The following ZPBP variants were observed in gnomAD, a reference collection of about 807,000 sequenced individuals.
ZPBP encodes the protein zona pellucida-binding protein 1.
A neutral mutation model predicts 44.8 loss-of-function variants in ZPBP; 26 were observed. That is an observed-to-expected ratio of 0.58 (90% CI 0.43 to 0.81). The LOEUF (loss-of-function observed/expected upper bound fraction) is 0.81, where lower values mean the gene tolerates loss of function less well. Ranked by LOEUF, ZPBP falls within the 30% of genes least tolerant of loss-of-function variation. ZPBP has a pLI of 0.00. For missense variants in ZPBP, 409 were observed against 434.0 expected (o/e 0.94, Z 0.51); for synonymous variants, 174 against 153.2 (o/e 1.14, Z -1.00).
Position 49,937,617 on chromosome 7 carries a change from A to AGGTTATAT in ZPBP, c.966_967insATATAACC (p.Cys323IlefsTer2). 6.2e-7 allele frequency: 1 copy of AGGTTATAT among 1,613,108 alleles called. No individual in the cohort carries two copies. The highest frequency in any genetic ancestry group is 1.3e-5 in the African/African-American group (1 of 75,026). ...CGGGGGTTATATGATCCAGGGCTGC[A>AGGTTATAT]GATCACTGTGAAAAAAGAGTAAGTT... On this transcript the variant is annotated stop_gained and frameshift_variant, in exon 8 of 8. Coordinates refer to ENST00000046087, the MANE Select transcript of ZPBP (RefSeq NM_007009.3). LOFTEE classifies it high-confidence loss of function.
At chr7:49,982,600 A>T (rs1457773010) in intron 7 of ZPBP, among the ~76,000 whole-genome samples, 5 of 151,576 alleles carry the variant, frequency 3.3e-5, no homozygotes, top group African/African-American at 4.8e-5. Context: ...CAAACTTCTC[A>T]GCCATCAGAA....
intron 6 of ZPBP, among the ~76,000 whole-genome samples, chr7:50,004,652 G>A (rs529965398): frequency 6.6e-6 from 1 of 152,176 alleles, no homozygotes; most frequent in Admixed American, 6.5e-5. Context: ...AATAACTGAA[G>A]TGAAAAATTA....
intron 6 of ZPBP, 82 bp from the exon 7 acceptor site, chr7:49,983,601 A>G (rs1230405710): frequency 1.1e-6 from 1 of 881,116 alleles, no homozygotes; most frequent in Non-Finnish European, 1.7e-6. Flanking sequence ...GTGGATTTAG[A>G]ATTTAAAGAA....
intron 3 of ZPBP, among the ~76,000 whole-genome samples, chr7:50,070,649 G>A (rs1440977461): frequency 2.0e-5 from 3 of 152,144 alleles, no homozygotes; most frequent in African/African-American, 7.2e-5. Flanking sequence ...TTATTATTTA[G>A]GTGCACCAGC....
chr7:49,844,280 T>G, the ZPBP span, among the ~76,000 whole-genome samples: 1 of 152,186 alleles, frequency 6.6e-6, no homozygotes, highest in Non-Finnish European at 1.5e-5. Context: ...TTCTATCCTC[T>G]CAACCTTTAA....
intron 1 of ZPBP, among the ~76,000 whole-genome samples, chr7:50,091,541 G>A (rs898982437): frequency 1.3e-5 from 2 of 151,970 alleles, no homozygotes; most frequent in African/African-American, 4.8e-5. Context: ...AATTCTAGAA[G>A]ATAATATCAG....
chr7:50,032,212 CT>C (rs1477195156), intron 4 of ZPBP, among the ~76,000 whole-genome samples: 1 of 152,086 alleles, frequency 6.6e-6, no homozygotes, highest in Non-Finnish European at 1.5e-5. Flanking sequence ...TTCTAACATG[CT>C]TTTTGTACTG....
At chr7:49,880,290 A>G (rs570863126) in intron 2 of ZPBP, among the ~76,000 whole-genome samples, 22 of 152,204 alleles carry the variant, frequency 1.4e-4, no homozygotes, top group African/African-American at 5.1e-4. Context: ...GCATTTCTTA[A>G]TATATCATTT....
Position 49,898,325 on chromosome 7 carries a change from A to T in ZPBP, n.509+2793T>A, listed in dbSNP as rs536098938. Among the ~76,000 whole-genome samples the T allele has an allele frequency of 2.0e-3, 293 of 148,968 alleles. 3 individuals are homozygous for T. The highest frequency in any genetic ancestry group is 6.5e-3 in the African/African-American group (265 of 40,976). On this transcript the variant is annotated intron_variant and non_coding_transcript_variant, in intron 2 of 2. Transcript: ENST00000465922. ...AGAAAACATCGAAGTTTTTTTTTTT[A>T]AAAAAACCTTCACTTATTCTTTCTA...
chr7:50,039,572 C>G (rs930577701), intron 4 of ZPBP, among the ~76,000 whole-genome samples: 2 of 152,076 alleles, frequency 1.3e-5, no homozygotes, highest in Non-Finnish European at 2.9e-5. Context: ...GCCTATAACA[C>G]ATAAATATAT....
downstream of ZPBP, among the ~76,000 whole-genome samples, chr7:49,933,293 C>T (rs1374205642): frequency 3.1e-4 from 18 of 58,618 alleles, no homozygotes; most frequent in Admixed American, 2.1e-3. Context: ...TGATATTTTC[C>T]CCTGACTTCT....
rs114604042 is a variant in ZPBP, at chr7:49,947,738, C to T, written c.962-10116G>A. Among the ~76,000 whole-genome samples the T allele has an allele frequency of 7.6e-3, 1,151 of 152,288 alleles. 23 individuals carry two copies. The highest frequency in any genetic ancestry group is 0.026 in the African/African-American group (1,091 of 41,562). On this transcript the variant is annotated intron_variant, in intron 7 of 7. Transcript: ENST00000046087. ...CTACCGCTTATGTTCACTGAAGACCCAAGGGCTCTACAATAAGCAGGTAGT... is the reference window on the plus strand; with the variant it reads ...CTACCGCTTATGTTCACTGAAGACCTAAGGGCTCTACAATAAGCAGGTAGT...
chr7:49,961,747 T>G (rs1035006720), intron 7 of ZPBP, among the ~76,000 whole-genome samples: 3 of 152,104 alleles, frequency 2.0e-5, no homozygotes, highest in Non-Finnish European at 4.4e-5. Context: ...GGATAAAAAA[T>G]CTATGATAAT....
chr7:50,077,461 C>T (rs948424817), intron 3 of ZPBP, among the ~76,000 whole-genome samples: 1 of 151,574 alleles, frequency 6.6e-6, no homozygotes, highest in Non-Finnish European at 1.5e-5. Context: ...AAGAGACAAT[C>T]CACAAAATGG....
Position 50,025,373 on chromosome 7 carries a change from A to G in ZPBP, c.706+5719T>C, listed in dbSNP as rs116581893. ...AAATACAGAGGACCAACATTACCCA[A>G]CTTCAGGACTTACTATAAAACTACA... is the stretch of plus-strand genomic sequence containing the variant. On this transcript the variant is annotated intron_variant, in intron 5 of 7. Transcript: ENST00000046087. Among the ~76,000 whole-genome samples the G allele has an allele frequency of 5.7e-3, 870 of 151,968 alleles. 14 individuals are homozygous for G. Among genetic ancestry groups the G allele is most frequent in the African/African-American group, 0.02 (830 of 41,524 alleles).
At chr7:49,873,560 T>C (rs1430888961) in intron 2 of ZPBP, among the ~76,000 whole-genome samples, 1 of 152,210 alleles carries the variant, frequency 6.6e-6, no homozygotes, top group Non-Finnish European at 1.5e-5. Context: ...GAAATGATGG[T>C]GCACACAGCT....
chr7:50,014,552 C>A (rs1286304058), intron 6 of ZPBP, among the ~76,000 whole-genome samples: 1 of 149,834 alleles, frequency 6.7e-6, no homozygotes, highest in Non-Finnish European at 1.5e-5. Context: ...GCAACCTTCA[C>A]CTCCCGGGTT....
chr7:49,871,274 A>G (rs1407507243), intron 2 of ZPBP, among the ~76,000 whole-genome samples: 1 of 152,116 alleles, frequency 6.6e-6, no homozygotes, highest in Non-Finnish European at 1.5e-5. Context: ...TAAAACTGAA[A>G]TTTCATGGAC....
intron 4 of ZPBP, among the ~76,000 whole-genome samples, chr7:50,041,169 T>C (rs758808223): frequency 3.5e-4 from 53 of 152,156 alleles, no homozygotes; most frequent in Admixed American, 2.9e-3. Flanking sequence ...CAGGGAATTA[T>C]AGATAAAATT....
Sources: gnomAD v4.1 joint callset for allele counts (sites outside exome capture counted in the v4.1 genomes callset) on GRCh38, gnomAD v4.1.1 for gene constraint, MANE v1.5 for transcripts, NCBI Gene and HGNC (gene_info 2026-07-23, HGNC 2026-07-21) for gene names.